ATG3: variants seen among roughly 807,000 people sequenced by gnomAD.
ATG3 encodes the protein autophagy related 3.
In ATG3, 25 loss-of-function variants were observed where a neutral mutation model predicts 50.7. The ratio of observed to expected loss-of-function variants is 0.49; its 90% CI spans 0.36 to 0.69. The LOEUF is 0.69. ATG3 is among the 30% of genes least tolerant of loss of function. The probability of loss-of-function intolerance (pLI) is 0.00; values close to 1 mark genes in which losing one functional copy is unlikely to be tolerated. For missense variants in ATG3, 281 were observed against 376.0 expected (o/e 0.75, Z 2.09); for synonymous variants, 119 against 125.5 (o/e 0.95, Z 0.34).
chr3:112,556,264 A>G (rs1056004011), intron 2 of ATG3, among the ~76,000 whole-genome samples: 7 of 152,232 alleles, frequency 4.6e-5, no homozygotes, highest in Non-Finnish European at 1.0e-4. Flanking sequence ...AGGAGAAATT[A>G]CCGTCCCGTC....
At chr3:112,553,068 A>T (rs1238653951) in intron 3 of ATG3, among the ~76,000 whole-genome samples, 1 of 152,252 alleles carries the variant, frequency 6.6e-6, no homozygotes, top group African/African-American at 2.4e-5. Context: ...AAATTAGTCC[A>T]TCATATTGTG....
chr3:112,552,337 T>C lies in ATG3; in HGVS notation c.164+943A>G, dbSNP rs1409264411. ...AAAACACTGTTATTATTCAGAATATTTTAAAATATAGATTGTGAAAACTGC... is the reference window on the plus strand; with the variant it reads ...AAAACACTGTTATTATTCAGAATATCTTAAAATATAGATTGTGAAAACTGC... On this transcript the variant is annotated intron_variant, in intron 3 of 11. Transcript: ENST00000283290. Among the ~76,000 whole-genome samples the C allele has an allele frequency of 2.6e-5, 4 of 152,168 alleles. No individual in the cohort carries two copies. In the East Asian group the frequency reaches 5.8e-4, roughly 22 times the overall value.
intron 3 of ATG3, among the ~76,000 whole-genome samples, chr3:112,550,883 TAACTCTA>T (rs1425911481): frequency 6.6e-6 from 1 of 152,242 alleles, no homozygotes; most frequent in African/African-American, 2.4e-5. Flanking sequence ...TTAGTCTTCA[TAACTCTA>T]AACAGTAGAA....
At chr3:112,550,325 A>T in intron 3 of ATG3, 63 bp from the exon 4 acceptor site, 2 of 1,252,254 alleles carry the variant, frequency 1.6e-6, no homozygotes, top group Non-Finnish European at 1.1e-6. Context: ...TATACAGCAG[A>T]AAGTATTGCA....
chr3:112,542,775 T>C (rs1027685637), intron 6 of ATG3, among the ~76,000 whole-genome samples: 1 of 152,072 alleles, frequency 6.6e-6, no homozygotes, highest in Non-Finnish European at 1.5e-5. Flanking sequence ...TCTGCTTGGA[T>C]GGCAAGTATT....
intron 2 of ATG3, 116 bp downstream of exon 2, chr3:112,558,260 C>T: frequency 1.3e-6 from 1 of 750,738 alleles, no homozygotes. Flanking sequence ...AGTCATAAAA[C>T]CTAATTTTAC....
intron 4 of ATG3, among the ~76,000 whole-genome samples, chr3:112,549,579 T>TGG (rs1333489538): frequency 1.3e-5 from 2 of 152,064 alleles, no homozygotes; most frequent in African/African-American, 4.8e-5. Context: ...GAGGCCAAGG[T>TGG]GGGCAGGTCA....
intron 9 of ATG3, among the ~76,000 whole-genome samples, chr3:112,537,045 A>G (rs1209701163): frequency 6.6e-6 from 1 of 151,342 alleles, no homozygotes. Flanking sequence ...CTTGCAATTT[A>G]GAATTCTAGA....
intron 6 of ATG3, 36 bp downstream of exon 6, chr3:112,544,021 T>A: frequency 6.9e-7 from 1 of 1,458,000 alleles, no homozygotes; most frequent in Non-Finnish European, 9.6e-7. Context: ...AAATAACTAC[T>A]CATTAAATTT....
At chr3:112,539,410 G>A (rs1385384377) in intron 7 of ATG3, among the ~76,000 whole-genome samples, 1 of 152,020 alleles carries the variant, frequency 6.6e-6, no homozygotes, top group Non-Finnish European at 1.5e-5. Context: ...TCCCACCTCA[G>A]TACCTTTGCA....
intron 5 of ATG3, among the ~76,000 whole-genome samples, chr3:112,547,868 C>T (rs1933410666): frequency 1.3e-5 from 2 of 152,140 alleles, no homozygotes; most frequent in Admixed American, 1.3e-4. Flanking sequence ...AATGTGAATA[C>T]AGTATAGTTC....
intron 7 of ATG3, among the ~76,000 whole-genome samples, chr3:112,538,562 ATACT>A (rs1404108438): frequency 2.0e-5 from 3 of 152,176 alleles, no homozygotes; most frequent in Admixed American, 2.0e-4. Context: ...TCCTTGGAAC[ATACT>A]TTCTTTCCTT....
chr3:112,557,492 C>T (rs1209698456), intron 2 of ATG3, among the ~76,000 whole-genome samples: 1 of 152,326 alleles, frequency 6.6e-6, no homozygotes, highest in Non-Finnish European at 1.5e-5. Context: ...GTGGCGCTCA[C>T]CTGTATTCCC....
At chr3:112,552,707 T>C (rs944731345) in intron 3 of ATG3, among the ~76,000 whole-genome samples, 3 of 150,994 alleles carry the variant, frequency 2.0e-5, no homozygotes, top group African/African-American at 7.3e-5. Flanking sequence ...TGGAGTGCAG[T>C]GGCATCATCT....
chr3:112,538,707 G>A (rs1933143694), intron 7 of ATG3, among the ~76,000 whole-genome samples: 1 of 152,116 alleles, frequency 6.6e-6, no homozygotes, highest in African/African-American at 2.4e-5. Context: ...GTAACCAAGG[G>A]CTCAGTTTCT....
At chr3:112,556,014 G>A (rs1159957982) in intron 2 of ATG3, among the ~76,000 whole-genome samples, 3 of 152,144 alleles carry the variant, frequency 2.0e-5, no homozygotes, top group Admixed American at 1.3e-4. Context: ...AGTGCAATAA[G>A]AACAGCATAC....
At chr3:112,558,485 C>A (rs1933748493) in intron 1 of ATG3, 68 bp from the exon 2 acceptor site, 3 of 1,277,448 alleles carry the variant, frequency 2.3e-6, no homozygotes, top group South Asian at 2.5e-5. Flanking sequence ...ATTTTGGGGG[C>A]AATTATTTGC....
At chr3:112,560,492 G>A (rs1933826681) in intron 1 of ATG3, among the ~76,000 whole-genome samples, 2 of 152,026 alleles carry the variant, frequency 1.3e-5, no homozygotes, top group South Asian at 4.2e-4. Flanking sequence ...AGGGAGCAAA[G>A]CAAAACTCTC....
At chr3:112,533,937 T>C in intron 11 of ATG3, 1 of 1,079,596 alleles carries the variant, frequency 9.3e-7, no homozygotes, top group Non-Finnish European at 1.1e-6. Context: ...CTAATTTTAC[T>C]TTTACCTGAT....
Sources: gnomAD v4.1 joint callset for allele counts (sites outside exome capture counted in the v4.1 genomes callset) on GRCh38, gnomAD v4.1.1 for gene constraint, MANE v1.5 for transcripts, NCBI Gene and HGNC (gene_info 2026-07-23, HGNC 2026-07-21) for gene names.